ARMC9: variants seen among roughly 807,000 people sequenced by gnomAD.
The protein encoded by ARMC9 is lisH domain-containing protein ARMC9.
Under a neutral mutation model 107.0 loss-of-function variants are expected in ARMC9, and 94 were observed. The observed-to-expected ratio is 0.88, with a 90% CI of 0.74 to 1.04. The LOEUF (loss-of-function observed/expected upper bound fraction) is 1.04. ARMC9 is among the 50% of genes least tolerant of loss of function. ARMC9 has a pLI of 0.00. For missense variants in ARMC9, 942 were observed against 1,030.1 expected, an observed-to-expected ratio of 0.91 and a Z score of 1.17; for synonymous variants, 380 against 396.9, an observed-to-expected ratio of 0.96 and a Z score of 0.51.
At chr2:231,359,153 T>A (rs2045466902) in intron 22 of ARMC9, among the ~76,000 whole-genome samples, 1 of 149,128 alleles carries the variant, frequency 6.7e-6, no homozygotes, top group African/African-American at 2.6e-5. Context: ...TGGTGCGATC[T>A]TGGCTCACTG....
At chr2:231,313,688 CTG>C (rs1269061376) in intron 19 of ARMC9, among the ~76,000 whole-genome samples, 1 of 152,148 alleles carries the variant, frequency 6.6e-6, no homozygotes, top group East Asian at 1.9e-4. Flanking sequence ...CAATCTGCTT[CTG>C]TCTCTAGATA....
chr2:231,298,273 G>A (rs1006905788), intron 19 of ARMC9, among the ~76,000 whole-genome samples: 1 of 152,244 alleles, frequency 6.6e-6, no homozygotes, highest in Non-Finnish European at 1.5e-5. Context: ...TCCCAGGTAA[G>A]CCTCACTGCG....
Position 231,278,432 on chromosome 2 carries a change from G to T in ARMC9, c.1525G>T (p.Asp509Tyr). 1.9e-6 allele frequency: 3 copies of T among 1,614,046 alleles called. No individual in the cohort carries two copies. Among genetic ancestry groups the T allele is most frequent in the Non-Finnish European group, 2.5e-6 (3 of 1,180,002 alleles). ...VAGLVLKVLS[D>Y]LLGHENHEIQ... ...AGGCCTCGTGCTCAAAGTCCTTTCG[G>T]ATCTTCTTGGCCATGAAAACCATGA... The change falls in exon 16 of 25, where the codon GAT (aspartate) becomes TAT (tyrosine). Residue 509 changes from aspartate (D) to tyrosine (Y), a missense_variant. Coordinates refer to ENST00000611582, the MANE Select transcript of ARMC9 (RefSeq NM_001352754.2).
At chr2:231,370,331 CT>C (rs1405222542) in intron 24 of ARMC9, among the ~76,000 whole-genome samples, 4 of 152,222 alleles carry the variant, frequency 2.6e-5, no homozygotes, top group Non-Finnish European at 5.9e-5. Context: ...ATGAATCTTC[CT>C]TCCTATTAAA....
chr2:231,291,541 G>T, intron 18 of ARMC9, 98 bp downstream of exon 18: 1 of 1,237,782 alleles, frequency 8.1e-7, no homozygotes, highest in Non-Finnish European at 1.1e-6. Context: ...TAGGAAGCCG[G>T]GCACGGTGGC....
At chr2:231,231,087 C>A (rs1264963370) in intron 7 of ARMC9, among the ~76,000 whole-genome samples, 2 of 152,168 alleles carry the variant, frequency 1.3e-5, no homozygotes, top group Non-Finnish European at 2.9e-5. Flanking sequence ...CACAGATAAT[C>A]TCTTATGTTT....
At chr2:231,340,719 T>G (rs2044444810) in intron 20 of ARMC9, among the ~76,000 whole-genome samples, 1 of 152,002 alleles carries the variant, frequency 6.6e-6, no homozygotes, top group African/African-American at 2.4e-5. Flanking sequence ...AAACCCCGTC[T>G]CTACTAAAAA....
At chr2:231,308,938 C>T (rs547043665) in intron 19 of ARMC9, among the ~76,000 whole-genome samples, 86 of 152,188 alleles carry the variant, frequency 5.7e-4, no homozygotes, top group Non-Finnish European at 7.2e-4. Flanking sequence ...GCTCGCTTGG[C>T]GTGGCACAGG....
Position 231,360,831 on chromosome 2 carries a change from C to T in ARMC9, c.2209C>T (p.Pro737Ser). 1 of 1,535,962 alleles carries T rather than the reference C, an allele frequency of 6.5e-7. No homozygotes were observed. The highest frequency in any genetic ancestry group is 8.7e-7 in the Non-Finnish European group (1 of 1,146,840). The change falls in exon 23 of 25, where the codon CCC (proline) becomes TCC (serine). Residue 737 changes from proline to serine, a missense_variant. Pro to Ser is a moderately conservative substitution (Grantham distance 74, BLOSUM62 -1). Coordinates refer to ENST00000611582, the MANE Select transcript of ARMC9 (RefSeq NM_001352754.2). The surrounding 1 kb of genome is among the most constrained non-coding windows in gnomAD (Gnocchi z 4.7). Reference sequence around the variant, plus strand: ...GCCTCGCCCAGCCCCCACGGGGACCCCCCGCCAGCCAAGGGAGGCGCCCCA... The same window carrying T: ...GCCTCGCCCAGCCCCCACGGGGACCTCCCGCCAGCCAAGGGAGGCGCCCCA... Reference protein sequence around the residue: ...EEPRPAPTGTPRQPREAPQDP... With the variant: ...EEPRPAPTGTSRQPREAPQDP...
At chr2:231,282,765 T>C (rs953673602) in intron 17 of ARMC9, among the ~76,000 whole-genome samples, 1 of 152,246 alleles carries the variant, frequency 6.6e-6, no homozygotes, top group Non-Finnish European at 1.5e-5. Flanking sequence ...ATCTTCTCAT[T>C]GATCATTTAA....
At chr2:231,324,193 T>G (rs1282274352) in intron 19 of ARMC9, among the ~76,000 whole-genome samples, 2 of 126,776 alleles carry the variant, frequency 1.6e-5, no homozygotes, top group African/African-American at 6.1e-5. Flanking sequence ...AGTGGTGCAA[T>G]CTCGGCTCAC....
chr2:231,337,261 C>A (rs77910002), intron 20 of ARMC9, among the ~76,000 whole-genome samples: 24 of 119,088 alleles, frequency 2.0e-4, no homozygotes, highest in African/African-American at 7.0e-4. Flanking sequence ...AATGTCTATA[C>A]GTGTGTGTGT....
chr2:231,331,861 C>A lies in ARMC9; in HGVS notation c.1842C>A (p.Leu614=), dbSNP rs2043761432. 1 of 1,613,834 alleles carries A rather than the reference C, an allele frequency of 6.2e-7. No individual in the cohort carries two copies. Among genetic ancestry groups the A allele is most frequent in the African/African-American group, 1.3e-5 (1 of 74,920 alleles). The part of the protein sequence containing the change: ...DELIQPQLGE[L]SGEKLLTTEY... Reference sequence around the variant, plus strand: ...TGATCCAGCCCCAGCTCGGAGAACTCTCAGGAGAGAAGCTTCTGACCACGG... The same window carrying A: ...TGATCCAGCCCCAGCTCGGAGAACTATCAGGAGAGAAGCTTCTGACCACGG... Residue 614 remains leucine, a synonymous_variant, in exon 20 of 25, where the codon CTC becomes CTA. Coordinates refer to ENST00000611582, the MANE Select transcript of ARMC9 (RefSeq NM_001352754.2).
intron 7 of ARMC9, among the ~76,000 whole-genome samples, chr2:231,233,595 G>A (rs1289816269): frequency 1.3e-5 from 2 of 152,070 alleles, no homozygotes; most frequent in Non-Finnish European, 2.9e-5. Flanking sequence ...TGACCAACAT[G>A]AAGAAACCCC....
chr2:231,304,248 T>C (rs2041924612), intron 19 of ARMC9, among the ~76,000 whole-genome samples: 1 of 152,170 alleles, frequency 6.6e-6, no homozygotes, highest in African/African-American at 2.4e-5. Context: ...ATCATTATTA[T>C]TATCATATTG....
At chr2:231,309,844 T>G (rs1408301524) in intron 19 of ARMC9, among the ~76,000 whole-genome samples, 1 of 152,188 alleles carries the variant, frequency 6.6e-6, no homozygotes, top group African/African-American at 2.4e-5. Context: ...AGTCTTATAC[T>G]ATCCTGACCA....
chr2:231,369,949 C>T lies in ARMC9; in HGVS notation c.2262-4C>T, dbSNP rs1446290217. 1.3e-6 allele frequency: 2 copies of T among 1,502,376 alleles called. No individual in the cohort carries two copies. Among genetic ancestry groups the T allele is most frequent in the East Asian group, 2.5e-5 (1 of 39,946 alleles). The allele number at this position is 1,502,376 out of a possible 1,614,324, so 93.1% of individuals were successfully genotyped here. A position where few individuals can be genotyped will look rare whatever the true frequency, so the allele number is the denominator to read the frequency against. ...GGGACTCCAGGTTGCACGTTTTGTTCTAGGGAATGTGCATCAGCCTTCACC... is the reference window on the plus strand; with the variant it reads ...GGGACTCCAGGTTGCACGTTTTGTTTTAGGGAATGTGCATCAGCCTTCACC... On this transcript the variant is annotated splice_region_variant and splice_polypyrimidine_tract_variant and intron_variant, in intron 23 of 24. Coordinates refer to ENST00000611582, the MANE Select transcript of ARMC9 (RefSeq NM_001352754.2).
At chr2:231,352,726 A>T (rs1161320389) in intron 21 of ARMC9, among the ~76,000 whole-genome samples, 1 of 151,114 alleles carries the variant, frequency 6.6e-6, no homozygotes, top group Non-Finnish European at 1.5e-5. Flanking sequence ...AGGTAGATAG[A>T]TGGATAGAAG....
intron 20 of ARMC9, among the ~76,000 whole-genome samples, chr2:231,337,685 G>T (rs906173969): frequency 2.0e-5 from 3 of 151,916 alleles, no homozygotes; most frequent in Admixed American, 6.6e-5. Context: ...GATCAGGCTG[G>T]TCTCGAACTC....
Sources: gnomAD v4.1 joint callset for allele counts (sites outside exome capture counted in the v4.1 genomes callset) on GRCh38, gnomAD v4.1.1 for gene constraint, Gnocchi (gnomAD v3.1) non-coding constraint, MANE v1.5 for transcripts, NCBI Gene and HGNC (gene_info 2026-07-23, HGNC 2026-07-21) for gene names.